KIF5C: variants seen among roughly 807,000 people sequenced by gnomAD.
KIF5C encodes kinesin family member 5C.
Under a neutral mutation model 125.2 loss-of-function variants are expected in KIF5C, and 18 were observed. The ratio of observed to expected loss-of-function variants is 0.14; its 90% confidence interval spans 0.10 to 0.21. The LOEUF is 0.21. Ranked by LOEUF, KIF5C falls within the 10% of genes least tolerant of loss-of-function variation. The probability of loss-of-function intolerance (pLI) is 1.00; values close to 1 mark genes in which losing one functional copy is unlikely to be tolerated. For synonymous variants in KIF5C, 405 were observed against 434.0 expected (o/e 0.93, Z 0.83); for missense variants, 780 against 1,183.8 (o/e 0.66, Z 5.01).
intron 10 of KIF5C, among the ~76,000 whole-genome samples, chr2:148,951,540 C>T (rs1321221816): frequency 6.6e-6 from 1 of 152,178 alleles, no homozygotes; most frequent in Admixed American, 6.5e-5. Flanking sequence ...CTTCAGCCCT[C>T]GTGCCTCAGT....
chr2:149,013,335 G>T (rs1175484710), intron 25 of KIF5C, among the ~76,000 whole-genome samples: 1 of 152,174 alleles, frequency 6.6e-6, no homozygotes, highest in Admixed American at 6.5e-5. Context: ...TTAGCAACCA[G>T]AGAGGAAGCA....
In KIF5C at chr2:149,011,747, C is replaced by T. The variant is rs574515970; in HGVS notation, c.*7+64C>T. 9 of 1,601,898 alleles carry T rather than the reference C, an allele frequency of 5.6e-6. No individual in the cohort carries two copies. The East Asian group carries it at 1.1e-4, about 20-fold the overall frequency. On this transcript the variant is annotated intron_variant, in intron 25 of 25. Transcript: ENST00000435030. ...CAGAGGCTTCTTGCCTTTCCAAAGC[C>T]CCTGCCTGGCAGTGGACCTTGAGTA...
At chr2:148,880,045 T>C (rs1248172469) in intron 1 of KIF5C, among the ~76,000 whole-genome samples, 2 of 152,228 alleles carry the variant, frequency 1.3e-5, no homozygotes, top group Admixed American at 6.5e-5. Flanking sequence ...CTTAAAACTT[T>C]TCTTCTTTCC....
chr2:148,902,345 C>T (rs1680939987), intron 1 of KIF5C, among the ~76,000 whole-genome samples: 2 of 151,568 alleles, frequency 1.3e-5, no homozygotes, highest in African/African-American at 4.9e-5. Context: ...GAAATAGTGT[C>T]TTGCTCTGTT....
chr2:148,915,852 C>T (rs1324465506), intron 1 of KIF5C, among the ~76,000 whole-genome samples: 20 of 152,348 alleles, frequency 1.3e-4, no homozygotes, highest in Middle Eastern at 6.8e-3. Context: ...ATGGGAGCCT[C>T]ATCCCACTGG....
intron 1 of KIF5C, among the ~76,000 whole-genome samples, chr2:148,890,018 C>T (rs932891600): frequency 6.6e-6 from 1 of 152,152 alleles, no homozygotes; most frequent in African/African-American, 2.4e-5. Flanking sequence ...GTACAAAATG[C>T]TGCTCTTTAT....
At chr2:148,882,294 A>G (rs1335558568) in intron 1 of KIF5C, among the ~76,000 whole-genome samples, 3 of 152,162 alleles carry the variant, frequency 2.0e-5, no homozygotes, top group Non-Finnish European at 2.9e-5. Flanking sequence ...AGAGATAACA[A>G]CACTCTCCAC....
At chr2:148,919,257 G>C (rs909451620) in intron 1 of KIF5C, among the ~76,000 whole-genome samples, 1 of 152,188 alleles carries the variant, frequency 6.6e-6, no homozygotes, top group Admixed American at 6.5e-5. Flanking sequence ...CCACCATTTA[G>C]AAGTTTGAAA....
At chr2:148,913,808 G>A (rs1295204017) in intron 1 of KIF5C, among the ~76,000 whole-genome samples, 1 of 152,178 alleles carries the variant, frequency 6.6e-6, no homozygotes, top group African/African-American at 2.4e-5. Flanking sequence ...TGGCGCAAGA[G>A]ATCCTCCATT....
chr2:148,968,327 A>G (rs1680801744), intron 11 of KIF5C, among the ~76,000 whole-genome samples: 1 of 152,258 alleles, frequency 6.6e-6, no homozygotes, highest in Non-Finnish European at 1.5e-5. Context: ...TGAGGCCAGC[A>G]GACATGGTTC....
At chr2:148,883,610 A>AAGTGTTTTATAAAAT (rs1353866194) in intron 1 of KIF5C, 1 of 152,028 alleles carries the variant, frequency 6.6e-6, no homozygotes, top group African/African-American at 2.4e-5. Flanking sequence ...TTTTAAAACA[A>AAGTGTTTTATAAAAT]AGATATTTTA....
chr2:148,988,418 C>T (rs1681440637), intron 15 of KIF5C, among the ~76,000 whole-genome samples: 2 of 152,176 alleles, frequency 1.3e-5, no homozygotes, highest in East Asian at 3.8e-4. Flanking sequence ...TTATACATAT[C>T]TATATTTTTA....
chr2:148,946,779 A>C (rs1682529412), intron 7 of KIF5C, 120 bp from the exon 8 acceptor site: 1 of 1,411,638 alleles, frequency 7.1e-7, no homozygotes, highest in Non-Finnish European at 9.5e-7. Context: ...TTTAGAATTG[A>C]CTGGACTTAC....
intron 11 of KIF5C, among the ~76,000 whole-genome samples, chr2:148,966,462 G>A (rs1411599418): frequency 1.3e-5 from 2 of 152,076 alleles, no homozygotes; most frequent in Non-Finnish European, 2.9e-5. Flanking sequence ...GGTGCAGGCA[G>A]ATAATGGAGA....
chr2:148,967,448 G>T (rs901882873), intron 11 of KIF5C, among the ~76,000 whole-genome samples: 2 of 152,194 alleles, frequency 1.3e-5, no homozygotes, highest in Non-Finnish European at 2.9e-5. Flanking sequence ...GATTATGTTG[G>T]AGAAGCAGAG....
chr2:148,998,750 G>A (rs978897503), intron 19 of KIF5C: 10 of 524,058 alleles, frequency 1.9e-5, no homozygotes, highest in Middle Eastern at 5.3e-4. Context: ...CCTAGTCCCC[G>A]AGGGCCAGGG....
At position 149,025,243 on chromosome 2, in the gene KIF5C, A is replaced by G. The variant is rs1310269435; in HGVS notation, c.*2173A>G. The G allele has an allele frequency of 6.6e-6, 1 of 152,646 alleles. No homozygotes were observed. Among genetic ancestry groups the G allele is most frequent in the Non-Finnish European group, 1.5e-5 (1 of 68,042 alleles). The allele number at this position is 152,646 out of a possible 1,614,324, so 9.5% of individuals were successfully genotyped here. On this transcript the variant is annotated 3_prime_UTR_variant, in exon 26 of 26. Transcript: ENST00000435030. ...ATTTGCTTTACTTTTATTCACAGAG[A>G]AAGTTGGCTTTGATGTCTCTTAAAG...
intron 7 of KIF5C, 57 bp from the exon 8 acceptor site, chr2:148,946,842 G>T: frequency 6.3e-7 from 1 of 1,591,538 alleles, no homozygotes. Context: ...TAAATGAGAG[G>T]ATTGCTACCT....
At chr2:148,958,253 C>T (rs1682845524) in intron 10 of KIF5C, among the ~76,000 whole-genome samples, 1 of 152,108 alleles carries the variant, frequency 6.6e-6, no homozygotes, top group Non-Finnish European at 1.5e-5. Flanking sequence ...TTAGTAGATA[C>T]TACTAAAGAT....
Sources: allele counts gnomAD v4.1 joint callset (sites outside exome capture counted in the v4.1 genomes callset), GRCh38; gene constraint gnomAD v4.1.1; transcripts MANE v1.5; gene names NCBI Gene and HGNC (gene_info 2026-07-23, HGNC 2026-07-21).